Variants in SPATA6 observed in about 807,000 individuals in gnomAD.
SPATA6 encodes the protein spermatogenesis associated 6, also known as spermatogenesis-associated protein 6.
SPATA6 carries 56 observed loss-of-function variants against 65.3 expected under a neutral mutation model. The ratio of observed to expected loss-of-function variants is 0.86; its 90% CI spans 0.69 to 1.07. The LOEUF is 1.07. Ranked by LOEUF, SPATA6 falls within the 50% of genes least tolerant of loss-of-function variation. The probability of loss-of-function intolerance (pLI) is 0.00; values close to 1 mark genes in which losing one functional copy is unlikely to be tolerated. For missense variants in SPATA6, 590 were observed against 594.8 expected, an observed-to-expected ratio of 0.99 and a Z score of 0.08; for synonymous variants, 199 against 213.2, an observed-to-expected ratio of 0.93 and a Z score of 0.58.
At chr1:48,380,825 C>G (rs575376699) in intron 9 of SPATA6, among the ~76,000 whole-genome samples, 1 of 152,180 alleles carries the variant, frequency 6.6e-6, no homozygotes, top group Non-Finnish European at 1.5e-5. Context: ...CAGGCCTCCT[C>G]TCCTCTAGTG....
intron 9 of SPATA6, among the ~76,000 whole-genome samples, chr1:48,363,293 T>G (rs1646875641): frequency 6.6e-6 from 1 of 152,198 alleles, no homozygotes; most frequent in African/African-American, 2.4e-5. Flanking sequence ...GATCATTTCC[T>G]TTCAAAAGCT....
At chr1:48,428,231 G>C (rs1307830241) in intron 3 of SPATA6, among the ~76,000 whole-genome samples, 1 of 152,170 alleles carries the variant, frequency 6.6e-6, no homozygotes, top group African/African-American at 2.4e-5. Flanking sequence ...GAGCCAGGCA[G>C]ATCACCTGAA....
intron 9 of SPATA6, among the ~76,000 whole-genome samples, chr1:48,365,708 T>C (rs1646982469): frequency 6.6e-6 from 1 of 152,016 alleles, no homozygotes; most frequent in Non-Finnish European, 1.5e-5. Flanking sequence ...GATGATGGGG[T>C]TTTCTAGATA....
At chr1:48,336,685 G>A (rs1379687123) in intron 11 of SPATA6, among the ~76,000 whole-genome samples, 1 of 151,726 alleles carries the variant, frequency 6.6e-6, no homozygotes, top group Non-Finnish European at 1.5e-5. Context: ...CAAGTACTAC[G>A]CTTGGTACCC....
chr1:48,338,048 A>G (rs532913862), intron 11 of SPATA6, among the ~76,000 whole-genome samples: 34 of 152,156 alleles, frequency 2.2e-4, no homozygotes, highest in African/African-American at 7.9e-4. Context: ...GAGTTATGTC[A>G]TTAGATATAA....
At chr1:48,310,614 C>T (rs1645180113) in intron 11 of SPATA6, among the ~76,000 whole-genome samples, 1 of 152,050 alleles carries the variant, frequency 6.6e-6, no homozygotes, top group Admixed American at 6.6e-5. Flanking sequence ...GAAAACAGAA[C>T]CAACAGGATG....
At chr1:48,310,139 C>G (rs1380628941) in intron 11 of SPATA6, among the ~76,000 whole-genome samples, 1 of 152,174 alleles carries the variant, frequency 6.6e-6, no homozygotes, top group Non-Finnish European at 1.5e-5. Flanking sequence ...AATTCAATGG[C>G]TATCCACCAT....
intron 3 of SPATA6, among the ~76,000 whole-genome samples, chr1:48,425,856 T>G (rs759933256): frequency 4.4e-4 from 67 of 152,038 alleles, no homozygotes; most frequent in Non-Finnish European, 6.0e-4. Context: ...AAAAAAATGC[T>G]TCTTGAAGAT....
intron 3 of SPATA6, among the ~76,000 whole-genome samples, chr1:48,427,149 A>G (rs1005029618): frequency 6.6e-6 from 1 of 152,038 alleles, no homozygotes; most frequent in Non-Finnish European, 1.5e-5. Flanking sequence ...GCTGATCTTC[A>G]ACTCCCAGCC....
chr1:48,431,580 ATAT>A (rs1654407675), intron 3 of SPATA6, among the ~76,000 whole-genome samples: 1 of 152,232 alleles, frequency 6.6e-6, no homozygotes, highest in Non-Finnish European at 1.5e-5. Context: ...TATACAAAGT[ATAT>A]TCTCTAACCA....
chr1:48,454,152 A>G (rs1656821875), intron 1 of SPATA6, among the ~76,000 whole-genome samples: 1 of 151,990 alleles, frequency 6.6e-6, no homozygotes, highest in African/African-American at 2.4e-5. Flanking sequence ...TTATTAAATA[A>G]CACATAGCAC....
At chr1:48,444,504 T>C (rs59919376) in intron 3 of SPATA6, among the ~76,000 whole-genome samples, 3,754 of 151,852 alleles carry the variant, frequency 0.025, 100 homozygotes, top group African/African-American at 0.067. Context: ...GCGCTCTGTG[T>C]CTAGCTAAAG....
chr1:48,347,213 G>C (rs1269734855), intron 11 of SPATA6, among the ~76,000 whole-genome samples: 1 of 151,786 alleles, frequency 6.6e-6, no homozygotes, highest in African/African-American at 2.4e-5. Context: ...CAAGCAATGG[G>C]GAAGGGATTC....
intron 1 of SPATA6, among the ~76,000 whole-genome samples, chr1:48,458,894 T>C (rs962550592): frequency 6.6e-6 from 1 of 152,132 alleles, no homozygotes; most frequent in Admixed American, 6.5e-5. Context: ...TAAAATTTAC[T>C]AAATTGTACA....
intron 11 of SPATA6, among the ~76,000 whole-genome samples, chr1:48,328,409 T>C (rs896899480): frequency 5.3e-5 from 8 of 152,108 alleles, no homozygotes; most frequent in African/African-American, 1.9e-4. Flanking sequence ...ATCTATACAA[T>C]GTAATACCAT....
At chr1:48,363,162 A>G (rs898759743) in intron 9 of SPATA6, among the ~76,000 whole-genome samples, 1 of 152,140 alleles carries the variant, frequency 6.6e-6, no homozygotes, top group African/African-American at 2.4e-5. Flanking sequence ...GTCTTTTATC[A>G]AAATAAGGGG....
At chr1:48,261,404 T>C in the SPATA6 span, among the ~76,000 whole-genome samples, 450 of 152,266 alleles carry the variant, frequency 3.0e-3, no homozygotes, top group Non-Finnish European at 4.5e-3. Context: ...GTTCACATAG[T>C]GGAGGTTTTA....
rs1465697492 is a variant in SPATA6, at chr1:48,296,418, C to A, written c.*2295G>T. 1 of 152,170 alleles carries A rather than the reference C, an allele frequency of 6.6e-6. No individual in the cohort carries two copies. The highest frequency in any genetic ancestry group is 1.5e-5 in the Non-Finnish European group (1 of 68,016). The allele number at this position is 152,170 out of a possible 1,614,324, so 9.4% of individuals were successfully genotyped here. A position where few individuals can be genotyped will look rare whatever the true frequency, so the allele number is the denominator to read the frequency against. ...CTAAATTTAATCCATAGGAAAACAT[C>A]TTTCAGAGTATTAGTTTCTAAAGTT... On this transcript the variant is annotated 3_prime_UTR_variant, in exon 13 of 13. Transcript: ENST00000371847.
chr1:48,304,294 G>A (rs1432308820), intron 12 of SPATA6, among the ~76,000 whole-genome samples: 1 of 152,124 alleles, frequency 6.6e-6, no homozygotes, highest in Non-Finnish European at 1.5e-5. Context: ...TCAAAAATGT[G>A]TAAGCAGAAC....
Sources: gnomAD v4.1 joint callset for allele counts (sites outside exome capture counted in the v4.1 genomes callset) on GRCh38, gnomAD v4.1.1 for gene constraint, MANE v1.5 for transcripts, NCBI Gene and HGNC (gene_info 2026-07-23, HGNC 2026-07-21) for gene names.